SEMA3A: variants seen among roughly 807,000 people sequenced by gnomAD.
SEMA3A encodes the protein semaphorin 3A.
Under a neutral mutation model 97.9 loss-of-function variants are expected in SEMA3A, and 29 were observed. The observed-to-expected ratio is 0.30, with a 90% CI of 0.22 to 0.40. The LOEUF (loss-of-function observed/expected upper bound fraction) is 0.40. Ranked by LOEUF, SEMA3A falls within the 10% of genes least tolerant of loss-of-function variation. The pLI is 1.00. For missense variants in SEMA3A, 763 were observed against 951.3 expected, an observed-to-expected ratio of 0.80 and a Z score of 2.60; for synonymous variants, 321 against 323.7, an observed-to-expected ratio of 0.99 and a Z score of 0.09.
chr7:84,363,714 C>A (rs538712), intron 2 of SEMA3A, among the ~76,000 whole-genome samples: 43,523 of 151,630 alleles, frequency 0.29, 6,719 homozygotes, highest in African/African-American at 0.38. Context: ...CAGCTGTGCT[C>A]TTTTTGTGAT....
chr7:83,995,211 C>A (rs1294221266), intron 12 of SEMA3A, among the ~76,000 whole-genome samples: 1 of 152,188 alleles, frequency 6.6e-6, no homozygotes, highest in Non-Finnish European at 1.5e-5. Context: ...CCTGCACCCA[C>A]TGTCTGGCAC....
intron 3 of SEMA3A, among the ~76,000 whole-genome samples, chr7:84,234,460 T>C (rs929713304): frequency 1.3e-5 from 2 of 152,104 alleles, no homozygotes; most frequent in Admixed American, 6.6e-5. Flanking sequence ...TTCTTTACAT[T>C]GATTTGTCTT....
Position 83,978,701 on chromosome 7 carries a change from C to T in SEMA3A, c.1653-1505G>A, listed in dbSNP as rs550503666. Among the ~76,000 whole-genome samples the T allele has an allele frequency of 2.6e-5, 4 of 152,226 alleles. No individual in the cohort carries two copies. In the South Asian group the frequency reaches 6.2e-4, roughly 24 times the overall value. On this transcript the variant is annotated intron_variant, in intron 14 of 16. Transcript: ENST00000265362. ...TAGTGAAACTATCAAACAGATGTTG[C>T]ACATTTCAAAATTGAGCCAACAAGA...
intron 3 of SEMA3A, among the ~76,000 whole-genome samples, chr7:84,263,250 G>A (rs1286554036): frequency 2.6e-5 from 4 of 152,068 alleles, no homozygotes; most frequent in African/African-American, 4.8e-5. Flanking sequence ...TCAGTCTTGC[G>A]GACAAAGAGC....
chr7:84,173,559 C>CAAAA lies in SEMA3A; in HGVS notation c.112+20912_112+20915dup, dbSNP rs34919422. 5.8e-3 allele frequency among the ~76,000 whole-genome samples: 466 copies of CAAAA among 80,652 alleles called. 22 individuals are homozygous for CAAAA. In the East Asian group the frequency reaches 0.11, roughly 19 times the overall value. The allele number at this position is 80,652 out of a possible 152,430, so 52.9% of individuals were successfully genotyped here. A position where few individuals can be genotyped will look rare whatever the true frequency, so the allele number is the denominator to read the frequency against. ...GGGCAGTAAGAGTGAAACTCTGTCT[C>CAAAA]AAAAAAAAAAAAAAAAAAAAAAAAT... is the stretch of plus-strand genomic sequence containing the variant. On this transcript the variant is annotated intron_variant, in intron 1 of 16. Transcript: ENST00000265362.
rs79429170 is a variant in SEMA3A at position 84,141,659 on chromosome 7, C to T, written c.113-6708G>A. Among the ~76,000 whole-genome samples, 476 of 152,180 alleles carry T rather than the reference C, an allele frequency of 3.1e-3. 24 individuals are homozygous for T. In the East Asian group the frequency reaches 0.086, roughly 27 times the overall value. On this transcript the variant is annotated intron_variant, in intron 1 of 16. Coordinates refer to ENST00000265362, the MANE Select transcript of SEMA3A (RefSeq NM_006080.3). ...GTTACATATCTTGCTTCTCCCCTTC[C>T]TCCCACCCTCCACCCTCCAGTAAGC...
At chr7:84,055,156 T>G in intron 5 of SEMA3A, among the ~76,000 whole-genome samples, 1 of 152,202 alleles carries the variant, frequency 6.6e-6, no homozygotes, top group East Asian at 2.0e-4. Flanking sequence ...GCTGTCTTTT[T>G]GTTTGTCTGT....
chr7:84,357,751 A>C (rs542198099), intron 2 of SEMA3A, among the ~76,000 whole-genome samples: 2 of 151,636 alleles, frequency 1.3e-5, no homozygotes, highest in Admixed American at 6.6e-5. Context: ...CAGTCCCACC[A>C]ACAGTGTAAA....
intron 1 of SEMA3A, among the ~76,000 whole-genome samples, chr7:84,188,466 CAG>C (rs914323288): frequency 2.6e-5 from 4 of 151,864 alleles, no homozygotes; most frequent in African/African-American, 7.2e-5. Context: ...ATTAAGATAA[CAG>C]TGTTAAAGAA....
At chr7:84,239,122 TA>T (rs1562866546) in intron 3 of SEMA3A, among the ~76,000 whole-genome samples, 1 of 152,188 alleles carries the variant, frequency 6.6e-6, no homozygotes, top group Non-Finnish European at 1.5e-5. Flanking sequence ...TTTTTAAAAA[TA>T]AAAATAATAC....
At chr7:84,055,671 T>C (rs565627852) in intron 5 of SEMA3A, among the ~76,000 whole-genome samples, 7 of 152,336 alleles carry the variant, frequency 4.6e-5, no homozygotes, top group Admixed American at 2.0e-4. Flanking sequence ...TCTTCTGCGT[T>C]GCTCACGCTC....
At chr7:84,250,081 A>G (rs1340453734) in intron 3 of SEMA3A, among the ~76,000 whole-genome samples, 2 of 151,988 alleles carry the variant, frequency 1.3e-5, no homozygotes, top group Middle Eastern at 3.2e-3. Context: ...TCATATTGCA[A>G]AGAGAAAATC....
At chr7:84,180,542 G>T (rs1797709528) in intron 1 of SEMA3A, among the ~76,000 whole-genome samples, 1 of 151,896 alleles carries the variant, frequency 6.6e-6, no homozygotes, top group Admixed American at 6.6e-5. Context: ...ACAAAAATTA[G>T]CTGGGTGCGG....
At chr7:84,404,609 G>T (rs1185129707) in intron 1 of SEMA3A, among the ~76,000 whole-genome samples, 1 of 152,054 alleles carries the variant, frequency 6.6e-6, no homozygotes. Context: ...CACCAAAGTT[G>T]AAATGAAGGA....
chr7:84,329,841 G>A (rs1488593955), intron 2 of SEMA3A, among the ~76,000 whole-genome samples: 2 of 151,924 alleles, frequency 1.3e-5, no homozygotes. Context: ...ACTTCTCTTT[G>A]TGCTTTCACA....
At chr7:83,978,677 A>T (rs1369517728) in intron 14 of SEMA3A, among the ~76,000 whole-genome samples, 1 of 152,232 alleles carries the variant, frequency 6.6e-6, no homozygotes, top group East Asian at 1.9e-4. Context: ...TTGTAGAATT[A>T]GTGAAACTAT....
chr7:84,242,356 A>C (rs4607535), intron 3 of SEMA3A, among the ~76,000 whole-genome samples: 107,439 of 151,952 alleles, frequency 0.71, 38,198 homozygotes, highest in East Asian at 0.79. Context: ...TCCCTTGTGA[A>C]TTATATTCCT....
intron 1 of SEMA3A, among the ~76,000 whole-genome samples, chr7:84,424,778 A>G (rs1470396858): frequency 2.0e-5 from 2 of 101,186 alleles, no homozygotes; most frequent in East Asian, 3.2e-4. Flanking sequence ...ATAAATATAT[A>G]ATATTTATAT....
chr7:84,306,544 T>A (rs1266008403), intron 3 of SEMA3A: 2 of 152,144 alleles, frequency 1.3e-5, no homozygotes, highest in African/African-American at 2.4e-5. Context: ...GTAACCGTGA[T>A]GGAATGGTAA....
Sources: allele counts gnomAD v4.1 joint callset (sites outside exome capture counted in the v4.1 genomes callset), GRCh38; gene constraint gnomAD v4.1.1; transcripts MANE v1.5; gene names NCBI Gene and HGNC (gene_info 2026-07-23, HGNC 2026-07-21).